Variants in ATF7IP observed in about 807,000 individuals in gnomAD.
ATF7IP encodes activating transcription factor 7 interacting protein.
In ATF7IP, 23 loss-of-function variants were observed where a neutral mutation model predicts 106.4. That is an observed-to-expected ratio of 0.22 (90% confidence interval 0.16 to 0.31). The LOEUF is 0.31. Among genes scored for constraint, ATF7IP ranks in the 10% least tolerant of loss-of-function variants. The pLI, the probability that ATF7IP is intolerant of heterozygous loss-of-function variation, is 1.00. For synonymous variants in ATF7IP, 542 were observed against 539.0 expected, an observed-to-expected ratio of 1.01 and a Z score of -0.08; for missense variants, 1,334 against 1,524.3, an observed-to-expected ratio of 0.88 and a Z score of 2.08.
At chr12:14,447,501 C>T (rs928629986) in intron 6 of ATF7IP, among the ~76,000 whole-genome samples, 7 of 151,920 alleles carry the variant, frequency 4.6e-5, no homozygotes. Context: ...AGGCTGGTCT[C>T]GAACTCCCAA....
intron 12 of ATF7IP, among the ~76,000 whole-genome samples, chr12:14,479,064 T>C (rs148064190): frequency 4.7e-4 from 71 of 152,264 alleles, no homozygotes; most frequent in African/African-American, 1.7e-3. Flanking sequence ...ATAATACTAT[T>C]CTGAGTTATA....
chr12:14,470,831 TGTA>T (rs371497927), intron 10 of ATF7IP, among the ~76,000 whole-genome samples: 1 of 152,182 alleles, frequency 6.6e-6, no homozygotes, highest in Non-Finnish European at 1.5e-5. Flanking sequence ...GGAAACTACT[TGTA>T]GTATATGATA....
At chr12:14,468,722 A>G (rs1402266983) in intron 10 of ATF7IP, among the ~76,000 whole-genome samples, 1 of 152,222 alleles carries the variant, frequency 6.6e-6, no homozygotes, top group Non-Finnish European at 1.5e-5. Flanking sequence ...TCAATTATGT[A>G]TATGAATAAT....
At chr12:14,388,774 A>T (rs1419223335) in intron 1 of ATF7IP, among the ~76,000 whole-genome samples, 1 of 152,076 alleles carries the variant, frequency 6.6e-6, no homozygotes, top group East Asian at 1.9e-4. Flanking sequence ...CCTCCTGAGT[A>T]GCTGGTATTA....
At chr12:14,486,095 C>G (rs181489944) in intron 13 of ATF7IP, among the ~76,000 whole-genome samples, 2 of 152,308 alleles carry the variant, frequency 1.3e-5, no homozygotes, top group Admixed American at 1.3e-4. Flanking sequence ...GGTGGTTCTG[C>G]CAGCTGCTAA....
At chr12:14,469,613 A>T (rs1043179012) in intron 10 of ATF7IP, among the ~76,000 whole-genome samples, 1 of 152,152 alleles carries the variant, frequency 6.6e-6, no homozygotes. Context: ...AATTATCAAC[A>T]TAAGCTATAA....
chr12:14,392,228 TTTTTTTC>T (rs1170186466), intron 1 of ATF7IP, among the ~76,000 whole-genome samples: 11 of 140,042 alleles, frequency 7.9e-5, no homozygotes, highest in African/African-American at 3.7e-4. Context: ...ACAGATCTTT[TTTTTTTC>T]TTTTTTTTCT....
chr12:14,423,548 T>C (rs10845995), intron 1 of ATF7IP, among the ~76,000 whole-genome samples: 57,923 of 140,396 alleles, frequency 0.41, 13,315 homozygotes, highest in East Asian at 0.59. Flanking sequence ...TACACTTTTA[T>C]TTTTCTTTCT....
intron 13 of ATF7IP, among the ~76,000 whole-genome samples, chr12:14,490,872 G>A (rs1944793264): frequency 6.6e-6 from 1 of 152,144 alleles, no homozygotes; most frequent in Non-Finnish European, 1.5e-5. Context: ...GGCTAAGTGG[G>A]TCAGAAAGCA....
intron 1 of ATF7IP, 118 bp from the exon 2 acceptor site, chr12:14,423,791 T>A (rs1941672830): frequency 8.9e-7 from 1 of 1,123,358 alleles, no homozygotes; most frequent in African/African-American, 1.6e-5. Flanking sequence ...GTTTTCTATG[T>A]CTTAAACATT....
At chr12:14,479,324 A>G (rs1344061433) in intron 12 of ATF7IP, among the ~76,000 whole-genome samples, 1 of 152,190 alleles carries the variant, frequency 6.6e-6, no homozygotes, top group Non-Finnish European at 1.5e-5. Context: ...ACCAGGAATC[A>G]TATGCTTGCT....
intron 1 of ATF7IP, among the ~76,000 whole-genome samples, chr12:14,423,574 C>CTTTTTTTTTTTTTTTTTTTTTTTTTTTT: frequency 2.3e-4 from 8 of 34,390 alleles, no homozygotes; most frequent in African/African-American, 4.5e-4. Context: ...TCTTCAGGTA[C>CTTTTTTTTTTTTTTTTTTTTTTTTTTTT]TTTTTTTTTT....
intron 8 of ATF7IP, among the ~76,000 whole-genome samples, chr12:14,458,295 A>C (rs977128455): frequency 3.9e-5 from 6 of 152,296 alleles, no homozygotes; most frequent in Middle Eastern, 3.4e-3. Context: ...AGATAGCTTA[A>C]AGGTATGTAT....
chr12:14,425,495 T>C, intron 2 of ATF7IP, 22 bp downstream of exon 2: 2 of 1,493,370 alleles, frequency 1.3e-6, no homozygotes, highest in Non-Finnish European at 1.8e-6. Context: ...ACTTAAATGT[T>C]AAAGATTTTT....
At chr12:14,413,934 A>G (rs1156643318) in intron 1 of ATF7IP, among the ~76,000 whole-genome samples, 1 of 152,192 alleles carries the variant, frequency 6.6e-6, no homozygotes, top group Non-Finnish European at 1.5e-5. Context: ...TTTATTTCAT[A>G]ATAAAAAATT....
chr12:14,393,413 G>C (rs1323650590), intron 1 of ATF7IP, among the ~76,000 whole-genome samples: 3 of 152,084 alleles, frequency 2.0e-5, no homozygotes, highest in Non-Finnish European at 4.4e-5. Context: ...GCATGAAATT[G>C]TATCATTATA....
chr12:14,402,249 T>A (rs1234525883), intron 1 of ATF7IP, among the ~76,000 whole-genome samples: 1 of 149,410 alleles, frequency 6.7e-6, no homozygotes, highest in African/African-American at 2.5e-5. Flanking sequence ...CACCACAGCC[T>A]CCCAGGGAGC....
chr12:14,463,956 T>C (rs572399742), intron 9 of ATF7IP, among the ~76,000 whole-genome samples: 8 of 152,316 alleles, frequency 5.3e-5, no homozygotes, highest in Non-Finnish European at 8.8e-5. Flanking sequence ...GGGAAAGTTA[T>C]ATACAATCCA....
At chr12:14,402,786 C>T (rs1423383858) in intron 1 of ATF7IP, among the ~76,000 whole-genome samples, 1 of 151,832 alleles carries the variant, frequency 6.6e-6, no homozygotes, top group African/African-American at 2.4e-5. Context: ...TTAGTAGAGA[C>T]GGAGTTTCTC....
Sources: allele counts gnomAD v4.1 joint callset (sites outside exome capture counted in the v4.1 genomes callset), GRCh38; gene constraint gnomAD v4.1.1; transcripts MANE v1.5; gene names NCBI Gene and HGNC (gene_info 2026-07-23, HGNC 2026-07-21).